Variants in PHLPP1 observed in about 807,000 individuals in gnomAD.
The protein encoded by PHLPP1 is PH domain and leucine rich repeat protein phosphatase 1.
PHLPP1 carries 42 observed loss-of-function variants against 117.2 expected under a neutral mutation model. The observed-to-expected ratio is 0.36, with a 90% CI of 0.28 to 0.46. PHLPP1 has a LOEUF of 0.46. Among genes scored for constraint, PHLPP1 ranks in the 20% least tolerant of loss-of-function variants. The probability of loss-of-function intolerance (pLI) is 1.00; values close to 1 mark genes in which losing one functional copy is unlikely to be tolerated. For missense variants in PHLPP1, 2,084 were observed against 2,241.9 expected (o/e 0.93, Z 1.42); for synonymous variants, 1,042 against 970.7 (o/e 1.07, Z -1.37).
At chr18:62,830,936 CTT>C (rs1319770519) in intron 2 of PHLPP1, among the ~76,000 whole-genome samples, 1 of 152,148 alleles carries the variant, frequency 6.6e-6, no homozygotes, top group African/African-American at 2.4e-5. Flanking sequence ...GTGCTTAAGT[CTT>C]TGACCACATT....
intron 6 of PHLPP1, among the ~76,000 whole-genome samples, chr18:62,900,411 T>G (rs990831568): frequency 7.3e-5 from 11 of 149,806 alleles, no homozygotes; most frequent in Non-Finnish European, 1.2e-4. Context: ...GTTGTTTGTA[T>G]TCTTGTTTTT....
chr18:62,797,648 AC>A (rs1326013747), intron 1 of PHLPP1, among the ~76,000 whole-genome samples: 1 of 152,216 alleles, frequency 6.6e-6, no homozygotes, highest in African/African-American at 2.4e-5. Context: ...TTATTTTCTT[AC>A]CGTTCTTCAA....
chr18:62,972,808 T>G, intron 15 of PHLPP1, 100 bp downstream of exon 15: 1 of 893,704 alleles, frequency 1.1e-6, no homozygotes, highest in Non-Finnish European at 1.7e-6. Flanking sequence ...CTCCAAGCCA[T>G]GTTTTTTGAC....
chr18:62,860,469 C>T lies in PHLPP1; in HGVS notation c.1934C>T (p.Ser645Leu), dbSNP rs887974067. The T allele has an allele frequency of 1.9e-6, 3 of 1,613,930 alleles. No individual in the cohort carries two copies. Among genetic ancestry groups the T allele is most frequent in the Admixed American group, 1.7e-5 (1 of 60,012 alleles). ...ASQRISSVDL[S>L]CCSLEHLPAN... Reference sequence around the variant, plus strand: ...CAGCGCATTAGCTCAGTGGACCTCTCGTGTTGTAGCCTGGAACATCTGCCT... The same window carrying T: ...CAGCGCATTAGCTCAGTGGACCTCTTGTGTTGTAGCCTGGAACATCTGCCT... The change falls in exon 4 of 17, where the codon TCG (serine) becomes TTG (leucine). Residue 645 changes from serine (S) to leucine (L), a missense_variant. This residue lies in a region of PHLPP1 where 1,365 missense variants were observed against 1,605.9 expected (regional missense o/e 0.85). Transcript: ENST00000262719.
chr18:62,732,273 A>G (rs1911247547), intron 1 of PHLPP1, among the ~76,000 whole-genome samples: 1 of 152,186 alleles, frequency 6.6e-6, no homozygotes, highest in Admixed American at 6.5e-5. Flanking sequence ...GCAGCTGGTG[A>G]CTTTAAGTTG....
At chr18:62,729,657 A>G (rs532229865) in intron 1 of PHLPP1, among the ~76,000 whole-genome samples, 275 of 152,280 alleles carry the variant, frequency 1.8e-3, no homozygotes, top group African/African-American at 6.5e-3. Flanking sequence ...CCTGGGTGAC[A>G]GAGCAAGACT....
chr18:62,787,744 GTTA>G (rs1913336476), intron 1 of PHLPP1, among the ~76,000 whole-genome samples: 1 of 152,194 alleles, frequency 6.6e-6, no homozygotes, highest in South Asian at 2.1e-4. Context: ...CTACGTAAAT[GTTA>G]TTAATAATGT....
chr18:62,829,237 A>G (rs1914690710), intron 1 of PHLPP1, among the ~76,000 whole-genome samples: 1 of 152,180 alleles, frequency 6.6e-6, no homozygotes, highest in Admixed American at 6.5e-5. Context: ...TTTCTTTTCT[A>G]ATGTTTCCTT....
At chr18:62,796,249 G>T (rs962172111) in intron 1 of PHLPP1, among the ~76,000 whole-genome samples, 1 of 152,162 alleles carries the variant, frequency 6.6e-6, no homozygotes, top group African/African-American at 2.4e-5. Flanking sequence ...GTATCATTGT[G>T]CTTTACAGTT....
At chr18:62,848,260 A>T (rs542477757) in intron 3 of PHLPP1, among the ~76,000 whole-genome samples, 1 of 152,270 alleles carries the variant, frequency 6.6e-6, no homozygotes, top group East Asian at 1.9e-4. Context: ...TTGCTCCCTC[A>T]ACTTGTTGAC....
In PHLPP1 at chr18:62,978,165, C is replaced by G. The variant is rs2144495664; in HGVS notation, c.3985-97C>G. The G allele has an allele frequency of 6.0e-6, 4 of 668,806 alleles. No homozygotes were observed. In the South Asian group the frequency reaches 7.3e-5, roughly 12 times the overall value. The allele number at this position is 668,806 out of a possible 1,614,324, so 41.4% of individuals were successfully genotyped here. On this transcript the variant is annotated intron_variant, in intron 16 of 16. Transcript: ENST00000262719. The surrounding 1 kb of genome is among the most constrained non-coding windows in gnomAD (Gnocchi z 7.0). ...GGGCCACACAGCACTTCTCTGTGGT[C>G]CTACAGTCGAGACAGTCGAGGGACC...
intron 14 of PHLPP1, among the ~76,000 whole-genome samples, chr18:62,966,189 G>A (rs1451682843): frequency 6.6e-6 from 1 of 152,040 alleles, no homozygotes; most frequent in African/African-American, 2.4e-5. Flanking sequence ...GATCACGTGA[G>A]TTAATATGTA....
At chr18:62,775,596 C>T (rs1464978193) in intron 1 of PHLPP1, among the ~76,000 whole-genome samples, 1 of 152,160 alleles carries the variant, frequency 6.6e-6, no homozygotes, top group African/African-American at 2.4e-5. Flanking sequence ...TTGAGTGTGA[C>T]TAAAGGTAAA....
intron 9 of PHLPP1, among the ~76,000 whole-genome samples, chr18:62,917,378 G>A (rs969818652): frequency 1.4e-5 from 2 of 138,812 alleles, no homozygotes; most frequent in Non-Finnish European, 3.1e-5. Flanking sequence ...TATTGTTAAA[G>A]AATTTAAACA....
At chr18:62,933,561 T>C (rs994561725) in intron 10 of PHLPP1, among the ~76,000 whole-genome samples, 1 of 152,144 alleles carries the variant, frequency 6.6e-6, no homozygotes, top group Non-Finnish European at 1.5e-5. Context: ...TGGTTAGCCA[T>C]ATGCAGAAGA....
In PHLPP1 at chr18:62,766,074, AAAATATATATAT is replaced by A. The variant is rs1160484183; in HGVS notation, c.1576+48817_1576+48828del. Among the ~76,000 whole-genome samples, 8 of 18,242 alleles carry A rather than the reference AAAATATATATAT, an allele frequency of 4.4e-4. 3 individuals carry two copies. The East Asian group carries it at 0.028, about 65-fold the overall frequency. The allele number at this position is 18,242 out of a possible 152,430, so 12.0% of individuals were successfully genotyped here. The stretch of plus-strand genomic sequence containing the variant: ...AGACTCCATCTCAAAAAAAAAAAAA[AAAATATATATAT>A]ATATATATATATATATAAAATATAT... On this transcript the variant is annotated intron_variant, in intron 1 of 16. Transcript: ENST00000262719.
At chr18:62,726,548 CT>C (rs1194793618) in intron 1 of PHLPP1, among the ~76,000 whole-genome samples, 10 of 133,774 alleles carry the variant, frequency 7.5e-5, no homozygotes, top group Admixed American at 5.1e-4. Flanking sequence ...TTATCATTTT[CT>C]TTTCTTTTCT....
chr18:62,821,369 C>T (rs146714854), intron 1 of PHLPP1, among the ~76,000 whole-genome samples: 97 of 151,484 alleles, frequency 6.4e-4, no homozygotes, highest in African/African-American at 2.0e-3. Flanking sequence ...AGGAACATGG[C>T]GAAACCCTGT....
At position 62,741,149 on chromosome 18, in the gene PHLPP1, G is replaced by A. The variant is rs139028149; in HGVS notation, c.1576+23890G>A. On this transcript the variant is annotated intron_variant, in intron 1 of 16. Transcript: ENST00000262719. ...AACCATAATTGCTCACTCTTCATAT[G>A]ATGAATTGCTAAACAGCAGTAAGAG... is the stretch of plus-strand genomic sequence containing the variant. 2.1e-3 allele frequency among the ~76,000 whole-genome samples: 314 copies of A among 152,274 alleles called. 1 individual carries two copies. Among genetic ancestry groups the A allele is most frequent in the African/African-American group, 7.1e-3 (296 of 41,568 alleles).
Sources: allele counts gnomAD v4.1 joint callset (sites outside exome capture counted in the v4.1 genomes callset), GRCh38; gene constraint gnomAD v4.1.1; regional missense constraint gnomAD v4.1.1; non-coding constraint Gnocchi (gnomAD v3.1); transcripts MANE v1.5; gene names NCBI Gene and HGNC (gene_info 2026-07-23, HGNC 2026-07-21).